ARHGEF28: variants seen among roughly 807,000 people sequenced by gnomAD.
ARHGEF28 encodes 190 kDa guanine nucleotide exchange factor.
Under a neutral mutation model 206.6 loss-of-function variants are expected in ARHGEF28, and 152 were observed. The ratio of observed to expected loss-of-function variants is 0.74; its 90% CI spans 0.64 to 0.84. The LOEUF is 0.84. Ranked by LOEUF, ARHGEF28 falls within the 40% of genes least tolerant of loss-of-function variation. ARHGEF28 has a pLI of 0.00. For missense variants in ARHGEF28, 2,028 were observed against 2,073.2 expected, an observed-to-expected ratio of 0.98 and a Z score of 0.42; for synonymous variants, 763 against 776.4, an observed-to-expected ratio of 0.98 and a Z score of 0.29.
In ARHGEF28 at chr5:73,873,100, G is replaced by A. The variant is rs373484387; in HGVS notation, c.2668G>A (p.Val890Met). The change falls in exon 22 of 36, where the codon GTG becomes ATG. Residue 890 changes from valine (V) to methionine (M), a missense_variant. Physicochemically the swap from Val to Met is conservative, Grantham distance 21. Transcript: ENST00000513042. ...GGAGCTGCAGCTGGACCACAGCACC[G>A]TGGATAAAATTTTCCCCTGTTTAGA... is the stretch of plus-strand genomic sequence containing the variant. Reference protein sequence around the residue: ...KEELQLDHSTVDKIFPCLDEL... With the variant: ...KEELQLDHSTMDKIFPCLDEL... 1.6e-5 allele frequency: 26 copies of A among 1,613,068 alleles called. No individual in the cohort carries two copies. Among genetic ancestry groups the A allele is most frequent in the Admixed American group, 1.0e-4 (6 of 59,850 alleles).
At chr5:73,791,952 T>A (rs1754509146) in intron 7 of ARHGEF28, among the ~76,000 whole-genome samples, 1 of 152,220 alleles carries the variant, frequency 6.6e-6, no homozygotes, top group Admixed American at 6.5e-5. Context: ...TTGATTGCAC[T>A]GTGTAATTGG....
At chr5:73,917,227 AT>A (rs1278430329) in intron 35 of ARHGEF28, among the ~76,000 whole-genome samples, 4 of 152,224 alleles carry the variant, frequency 2.6e-5, no homozygotes, top group African/African-American at 7.2e-5. Flanking sequence ...ATATCAAATT[AT>A]TATTCAGAGA....
intron 2 of ARHGEF28, among the ~76,000 whole-genome samples, chr5:73,691,604 A>C (rs1192925690): frequency 2.6e-5 from 4 of 152,204 alleles, no homozygotes; most frequent in African/African-American, 9.6e-5. Flanking sequence ...TGTGTGCTAA[A>C]GATTGAGAAC....
intron 9 of ARHGEF28, among the ~76,000 whole-genome samples, chr5:73,832,048 C>T (rs1330883970): frequency 1.3e-5 from 2 of 152,148 alleles, no homozygotes; most frequent in South Asian, 2.1e-4. Context: ...TAGTAGAAAT[C>T]AAAAGCAAAG....
intron 14 of ARHGEF28, 68 bp from the exon 15 acceptor site, chr5:73,857,574 CACACACACACACAT>C (rs1759125822): frequency 7.2e-7 from 1 of 1,379,848 alleles, no homozygotes; most frequent in Non-Finnish European, 9.8e-7. Flanking sequence ...TACACACACA[CACACACACACACAT>C]ACACACACAC....
At chr5:73,913,312 A>G (rs188251685) in intron 35 of ARHGEF28, among the ~76,000 whole-genome samples, 2 of 150,538 alleles carry the variant, frequency 1.3e-5, no homozygotes, top group Admixed American at 6.6e-5. Flanking sequence ...ACTGTTCACC[A>G]CTGGAGTTTT....
chr5:73,750,716 T>G (rs959074433), intron 3 of ARHGEF28, among the ~76,000 whole-genome samples: 1 of 152,206 alleles, frequency 6.6e-6, no homozygotes, highest in Non-Finnish European at 1.5e-5. Flanking sequence ...AATGGTGGAA[T>G]TAAAATGTCA....
At chr5:73,859,428 G>A (rs1759253549) in intron 16 of ARHGEF28, among the ~76,000 whole-genome samples, 1 of 152,174 alleles carries the variant, frequency 6.6e-6, no homozygotes, top group African/African-American at 2.4e-5. Context: ...CATAAACTTT[G>A]TTGAAAATGA....
At chr5:73,929,022 G>A (rs1763970204) in intron 35 of ARHGEF28, among the ~76,000 whole-genome samples, 1 of 152,026 alleles carries the variant, frequency 6.6e-6, no homozygotes, top group Non-Finnish European at 1.5e-5. Flanking sequence ...TGCAAGATCC[G>A]CCTCCCAGGT....
chr5:73,754,821 C>T lies in ARHGEF28; in HGVS notation c.475+1619C>T, dbSNP rs112584093. Among the ~76,000 whole-genome samples the T allele has an allele frequency of 4.9e-3, 752 of 151,932 alleles. 7 individuals are homozygous for T. Among genetic ancestry groups the T allele is most frequent in the African/African-American group, 0.017 (686 of 41,444 alleles). On this transcript the variant is annotated intron_variant, in intron 4 of 35. Coordinates refer to ENST00000513042, the MANE Select transcript of ARHGEF28 (RefSeq NM_001177693.2). ...ATGTGATCCTACTGCCTCAGATTCCCGGGTATCTAAGATTATAGGTGTATG... is the reference window on the plus strand; with the variant it reads ...ATGTGATCCTACTGCCTCAGATTCCTGGGTATCTAAGATTATAGGTGTATG...
intron 7 of ARHGEF28, among the ~76,000 whole-genome samples, chr5:73,793,884 G>GT (rs1754633824): frequency 6.6e-6 from 1 of 151,460 alleles, no homozygotes; most frequent in African/African-American, 2.4e-5. Flanking sequence ...GACACCCGGT[G>GT]TGCCCGGGGC....
chr5:73,760,610 G>A (rs1021631386), intron 4 of ARHGEF28, among the ~76,000 whole-genome samples: 1 of 152,074 alleles, frequency 6.6e-6, no homozygotes, highest in Non-Finnish European at 1.5e-5. Flanking sequence ...CGATAAAATT[G>A]TTTTACAGTT....
intron 2 of ARHGEF28, among the ~76,000 whole-genome samples, chr5:73,736,607 C>T (rs555195255): frequency 1.3e-5 from 2 of 152,190 alleles, no homozygotes; most frequent in Non-Finnish European, 2.9e-5. Flanking sequence ...TAAGCAACCA[C>T]AATTAATAAA....
chr5:73,894,602 T>G, intron 29 of ARHGEF28, 27 bp downstream of exon 29: 1 of 1,606,926 alleles, frequency 6.2e-7, no homozygotes, highest in Non-Finnish European at 8.5e-7. Context: ...AGGGTTTGGG[T>G]CGACACGTTC....
rs750588590 is a variant in ARHGEF28 at position 73,885,900 on chromosome 5, G to T, written c.3106G>T (p.Asp1036Tyr). 2.5e-6 allele frequency: 4 copies of T among 1,613,636 alleles called. No individual in the cohort carries two copies. Among genetic ancestry groups the T allele is most frequent in the Admixed American group, 3.3e-5 (2 of 59,978 alleles). Residue 1036 changes from aspartate to tyrosine, a missense_variant, in exon 25 of 36, where the codon GAC (aspartate) becomes TAC (tyrosine). Physicochemically the swap from Asp to Tyr is radical, Grantham distance 160. This residue lies in a region of ARHGEF28 where 223 missense variants were observed against 289.9 expected (regional missense o/e 0.77). Transcript: ENST00000513042. ...ACGCAAAGCGCTTTGCTTAATTAAA[G>T]ACATGATTGCAACAGTGGATTTAAA... is the stretch of plus-strand genomic sequence containing the variant. The part of the protein sequence containing the change: ...DLRKALCLIK[D>Y]MIATVDLKVN...
chr5:73,934,412 C>T (rs1464204530), intron 35 of ARHGEF28, among the ~76,000 whole-genome samples: 2 of 152,158 alleles, frequency 1.3e-5, no homozygotes, highest in Non-Finnish European at 1.5e-5. Flanking sequence ...ATGTTGTCAG[C>T]TTGATCTGTT....
intron 2 of ARHGEF28, among the ~76,000 whole-genome samples, chr5:73,711,698 GC>G (rs1365575808): frequency 1.3e-5 from 2 of 151,994 alleles, no homozygotes; most frequent in Non-Finnish European, 2.9e-5. Flanking sequence ...AGTTGTAAGA[GC>G]TTTTTTATTG....
At chr5:73,780,092 T>C (rs1216851470) in intron 6 of ARHGEF28, among the ~76,000 whole-genome samples, 1 of 152,192 alleles carries the variant, frequency 6.6e-6, no homozygotes, top group East Asian at 1.9e-4. Flanking sequence ...TTTCACTGGC[T>C]GTGGGGAATC....
At position 73,694,637 on chromosome 5, in the gene ARHGEF28, A is replaced by G. The variant is rs928329736; in HGVS notation, c.33+9753A>G. Among the ~76,000 whole-genome samples, 8 of 152,318 alleles carry G rather than the reference A, an allele frequency of 5.3e-5. No homozygotes were observed. In the South Asian group the frequency reaches 6.2e-4, roughly 12 times the overall value. ...CCCTTATAGAAGATGTGATTTAGCT[A>G]TACTACCTTCTCAGCAGTTCCTCCT... On this transcript the variant is annotated intron_variant, in intron 2 of 35. Coordinates refer to ENST00000513042, the MANE Select transcript of ARHGEF28 (RefSeq NM_001177693.2).
Sources: gnomAD v4.1 joint callset for allele counts (sites outside exome capture counted in the v4.1 genomes callset) on GRCh38, gnomAD v4.1.1 for gene constraint, gnomAD v4.1.1 regional missense constraint, MANE v1.5 for transcripts, NCBI Gene and HGNC (gene_info 2026-07-23, HGNC 2026-07-21) for gene names.